HS6ST3: variants seen among roughly 807,000 people sequenced by gnomAD.
The protein encoded by HS6ST3 is heparan-sulfate 6-O-sulfotransferase 3.
HS6ST3 carries 12 observed loss-of-function variants against 36.7 expected under a neutral mutation model. The observed-to-expected ratio is 0.33, with a 90% confidence interval of 0.21 to 0.53. The LOEUF is 0.53. Among genes scored for constraint, HS6ST3 ranks in the 20% least tolerant of loss-of-function variants. The probability of loss-of-function intolerance (pLI) is 0.95; values close to 1 mark genes in which losing one functional copy is unlikely to be tolerated. For missense variants in HS6ST3, 584 were observed against 640.9 expected, an observed-to-expected ratio of 0.91 and a Z score of 0.96; for synonymous variants, 240 against 257.5, an observed-to-expected ratio of 0.93 and a Z score of 0.65.
chr13:96,138,348 T>C (rs2054012656), intron 1 of HS6ST3, among the ~76,000 whole-genome samples: 1 of 151,170 alleles, frequency 6.6e-6, no homozygotes. Flanking sequence ...ATCAGCTTTA[T>C]TGAGGTATGG....
chr13:96,482,802 G>A (rs1401620284), intron 1 of HS6ST3, among the ~76,000 whole-genome samples: 7 of 152,208 alleles, frequency 4.6e-5, no homozygotes, highest in African/African-American at 1.7e-4. Flanking sequence ...GTTCCTAGCA[G>A]AGCCTAGGAA....
intron 1 of HS6ST3, among the ~76,000 whole-genome samples, chr13:96,199,365 T>C (rs1594713410): frequency 6.6e-6 from 1 of 152,358 alleles, no homozygotes; most frequent in Non-Finnish European, 1.5e-5. Context: ...TTTGTATATA[T>C]GATATTAGAT....
At chr13:96,531,538 T>G (rs1054923247) in intron 1 of HS6ST3, among the ~76,000 whole-genome samples, 1 of 152,214 alleles carries the variant, frequency 6.6e-6, no homozygotes, top group Non-Finnish European at 1.5e-5. Flanking sequence ...TTGAGCTGTT[T>G]CCTCTATTTA....
intron 1 of HS6ST3, among the ~76,000 whole-genome samples, chr13:96,707,611 G>A (rs959924109): frequency 2.0e-5 from 3 of 152,198 alleles, no homozygotes; most frequent in Admixed American, 1.3e-4. Flanking sequence ...GAGAAGCACT[G>A]AGGCAAACAC....
At chr13:96,510,799 G>A (rs960088526) in intron 1 of HS6ST3, among the ~76,000 whole-genome samples, 9 of 152,010 alleles carry the variant, frequency 5.9e-5, no homozygotes, top group African/African-American at 1.5e-4. Context: ...GCATTCTAAC[G>A]TGTTTGATGT....
chr13:96,706,908 G>A (rs1875442463), intron 1 of HS6ST3, among the ~76,000 whole-genome samples: 1 of 152,080 alleles, frequency 6.6e-6, no homozygotes, highest in East Asian at 1.9e-4. Context: ...CTTAACAGCA[G>A]TACTCAAACC....
intron 1 of HS6ST3, among the ~76,000 whole-genome samples, chr13:96,710,704 G>A (rs780640832): frequency 6.6e-5 from 10 of 152,308 alleles, no homozygotes; most frequent in Non-Finnish European, 8.8e-5. Flanking sequence ...CCACTGAACA[G>A]GTGTTGCCTC....
chr13:96,671,385 T>C lies in HS6ST3; in HGVS notation c.708-161105T>C, dbSNP rs187139545. Among the ~76,000 whole-genome samples the C allele has an allele frequency of 3.6e-4, 55 of 152,282 alleles. No individual in the cohort carries two copies. The East Asian group carries it at 8.5e-3, about 24-fold the overall frequency. The stretch of plus-strand genomic sequence containing the variant: ...AGTGGCAATTCCCTTCAACTGAAGT[T>C]ATGCCCAACTAACTACAAAGATGTA... On this transcript the variant is annotated intron_variant, in intron 1 of 1. Coordinates refer to ENST00000376705, the MANE Select transcript of HS6ST3 (RefSeq NM_153456.4).
intron 1 of HS6ST3, among the ~76,000 whole-genome samples, chr13:96,163,370 C>T (rs1269152331): frequency 6.6e-6 from 1 of 151,786 alleles, no homozygotes. Context: ...TCTGGGACTA[C>T]AGGCGCCCAC....
rs1208539490 is a variant in HS6ST3 at position 96,137,094 on chromosome 13, A to G, written c.707+45525A>G. On this transcript the variant is annotated intron_variant, in intron 1 of 1. Coordinates refer to ENST00000376705, the MANE Select transcript of HS6ST3 (RefSeq NM_153456.4). ...ATATGTAGTATGTTTTGGCCATTGT[A>G]TATACCTTGCAGCTACTTCCTGGAT... is the stretch of plus-strand genomic sequence containing the variant. 3.3e-5 allele frequency among the ~76,000 whole-genome samples: 5 copies of G among 152,220 alleles called. No individual in the cohort carries two copies. The South Asian group carries it at 8.3e-4, about 25-fold the overall frequency.
intron 1 of HS6ST3, among the ~76,000 whole-genome samples, chr13:96,259,886 A>G (rs915505815): frequency 2.0e-5 from 3 of 152,098 alleles, no homozygotes; most frequent in African/African-American, 7.2e-5. Flanking sequence ...TTCAAATTAT[A>G]TTTCTATTAT....
intron 1 of HS6ST3, among the ~76,000 whole-genome samples, chr13:96,364,394 A>G (rs1238536988): frequency 6.6e-6 from 1 of 152,216 alleles, no homozygotes; most frequent in Non-Finnish European, 1.5e-5. Context: ...GGCATAGCAT[A>G]TATCTACAAT....
At chr13:96,203,612 A>G (rs1205901412) in intron 1 of HS6ST3, among the ~76,000 whole-genome samples, 8 of 152,008 alleles carry the variant, frequency 5.3e-5, no homozygotes, top group Non-Finnish European at 7.4e-5. Context: ...AGAGCCTCAC[A>G]CCCCCTTCTT....
At chr13:96,240,120 A>G (rs919920470) in intron 1 of HS6ST3, among the ~76,000 whole-genome samples, 14 of 152,208 alleles carry the variant, frequency 9.2e-5, no homozygotes, top group Non-Finnish European at 1.5e-4. Flanking sequence ...AATTAATAAG[A>G]AAACTTTTTA....
intron 1 of HS6ST3, among the ~76,000 whole-genome samples, chr13:96,648,704 A>G (rs1010229373): frequency 1.3e-5 from 2 of 151,558 alleles, no homozygotes; most frequent in South Asian, 4.2e-4. Context: ...CCCTGTGTCC[A>G]TGTGTTCTCA....
chr13:96,338,974 A>AT (rs1297199476), intron 1 of HS6ST3, among the ~76,000 whole-genome samples: 5 of 151,474 alleles, frequency 3.3e-5, no homozygotes, highest in East Asian at 1.9e-4. Flanking sequence ...GGTGATCATG[A>AT]TTTTTTTTTC....
At chr13:96,206,627 G>C (rs898483816) in intron 1 of HS6ST3, among the ~76,000 whole-genome samples, 12 of 152,160 alleles carry the variant, frequency 7.9e-5, no homozygotes, top group African/African-American at 2.9e-4. Context: ...ACCAATGGAA[G>C]AGAATAGATA....
At chr13:96,739,082 C>A (rs57875154) in intron 1 of HS6ST3, among the ~76,000 whole-genome samples, 18,947 of 151,886 alleles carry the variant, frequency 0.12, 1,427 homozygotes, top group East Asian at 0.21. Context: ...CAGGACACCG[C>A]ACACATTTTT....
chr13:96,433,137 T>C (rs535142565), intron 1 of HS6ST3, among the ~76,000 whole-genome samples: 26 of 152,358 alleles, frequency 1.7e-4, no homozygotes, highest in Middle Eastern at 3.4e-3. Context: ...GATCTAATAA[T>C]TGAATGATAA....
Sources: allele counts gnomAD v4.1 joint callset (sites outside exome capture counted in the v4.1 genomes callset), GRCh38; gene constraint gnomAD v4.1.1; transcripts MANE v1.5; gene names NCBI Gene and HGNC (gene_info 2026-07-23, HGNC 2026-07-21).